Variants in FRY observed in about 807,000 individuals in gnomAD.
FRY encodes the protein FRY microtubule binding protein, also known as protein furry homolog.
FRY carries 128 observed loss-of-function variants against 348.4 expected under a neutral mutation model. That is an observed-to-expected ratio of 0.37 (90% CI 0.32 to 0.43). The LOEUF (loss-of-function observed/expected upper bound fraction) is 0.43. Ranked by LOEUF, FRY falls within the 20% of genes least tolerant of loss-of-function variation. The pLI, the probability that FRY is intolerant of heterozygous loss-of-function variation, is 1.00. For synonymous variants in FRY, 1,370 were observed against 1,374.7 expected, an observed-to-expected ratio of 1.00 and a Z score of 0.08; for missense variants, 2,736 against 3,695.2, an observed-to-expected ratio of 0.74 and a Z score of 6.73.
At chr13:32,280,063 C>A (rs1391667474) in intron 58 of FRY, among the ~76,000 whole-genome samples, 2 of 152,128 alleles carry the variant, frequency 1.3e-5, no homozygotes, top group Non-Finnish European at 2.9e-5. Context: ...CACTTTCACA[C>A]CCCTTAAGTC....
chr13:32,193,590 C>CTTTTTTTTTT (rs1335203743), intron 28 of FRY, among the ~76,000 whole-genome samples: 4 of 89,716 alleles, frequency 4.5e-5, no homozygotes, highest in African/African-American at 8.5e-5. Context: ...AAGTCTTCGT[C>CTTTTTTTTTT]CTTTTTTTTT....
intron 51 of FRY, chr13:32,257,950 A>G: frequency 1.9e-6 from 3 of 1,605,852 alleles, no homozygotes; most frequent in Admixed American, 1.7e-5. Flanking sequence ...CTGCTCATTC[A>G]ATCTGCTACC....
intron 35 of FRY, among the ~76,000 whole-genome samples, chr13:32,212,617 G>C (rs933197036): frequency 6.6e-6 from 1 of 152,120 alleles, no homozygotes; most frequent in Non-Finnish European, 1.5e-5. Flanking sequence ...TTCTGGTGGT[G>C]GTGGAATTTC....
chr13:32,073,439 A>G (rs1042410198), intron 1 of FRY, among the ~76,000 whole-genome samples: 9 of 152,178 alleles, frequency 5.9e-5, no homozygotes, highest in African/African-American at 2.2e-4. Flanking sequence ...CTGTAGGCAG[A>G]TAGAGAAGAG....
At chr13:32,074,192 T>A (rs1450690064) in intron 1 of FRY, among the ~76,000 whole-genome samples, 2 of 152,044 alleles carry the variant, frequency 1.3e-5, no homozygotes, top group African/African-American at 4.8e-5. Context: ...ATATAAAAGA[T>A]AGAGACCCAG....
intron 4 of FRY, among the ~76,000 whole-genome samples, chr13:32,123,485 A>C (rs1315167842): frequency 6.6e-6 from 1 of 152,196 alleles, no homozygotes; most frequent in Admixed American, 6.5e-5. Flanking sequence ...GGGAAAGAAA[A>C]GAAAAGTGGT....
intron 56 of FRY, 55 bp downstream of exon 56, chr13:32,275,046 G>A (rs940279730): frequency 6.8e-7 from 1 of 1,464,076 alleles, no homozygotes; most frequent in Non-Finnish European, 9.6e-7. Context: ...CTACAGTGCA[G>A]AACTTCAGGG....
intron 1 of FRY, among the ~76,000 whole-genome samples, chr13:32,074,668 C>G (rs1031157384): frequency 6.6e-6 from 1 of 152,178 alleles, no homozygotes; most frequent in African/African-American, 2.4e-5. Flanking sequence ...TAAATAAAAA[C>G]AGATTTTAAA....
At chr13:32,178,523 A>G in intron 21 of FRY, 87 bp downstream of exon 21, 4 of 1,386,574 alleles carry the variant, frequency 2.9e-6, no homozygotes, top group Non-Finnish European at 4.0e-6. Context: ...TTGGGATGTT[A>G]TCATCCCAAT....
rs9567539 is a variant in FRY, at chr13:32,295,180, G to A, written c.8784-22G>A. 1,155 of 1,612,732 alleles carry A rather than the reference G, an allele frequency of 7.2e-4. 19 individuals are homozygous for A. The East Asian group carries it at 0.02, about 29-fold the overall frequency. The stretch of plus-strand genomic sequence containing the variant: ...TTGTGACTAATAGTGCCTCTAATCT[G>A]TGCTGTTCTTTTTGACTGCAGAAGT... On this transcript the variant is annotated intron_variant, in intron 60 of 60. Transcript: ENST00000542859.
Position 32,231,376 on chromosome 13 carries a change from A to G in FRY, c.5527+76A>G, listed in dbSNP as rs185867616. On this transcript the variant is annotated intron_variant, in intron 41 of 60. Coordinates refer to ENST00000542859, the MANE Select transcript of FRY (RefSeq NM_023037.3). Reference sequence around the variant, plus strand: ...GACACTGTCTCTATATGATGATTACAGCGCCTTAAAACGGTCCTGCACTCC... The same window carrying G: ...GACACTGTCTCTATATGATGATTACGGCGCCTTAAAACGGTCCTGCACTCC... 2.0e-6 allele frequency: 3 copies of G among 1,493,052 alleles called. No homozygotes were observed. In the Admixed American group the frequency reaches 5.0e-5, roughly 25 times the overall value. 92.5% of individuals were successfully genotyped at this position (1,493,052 alleles called of 1,614,324 possible).
At chr13:32,280,815 A>G (rs1888774437) in intron 58 of FRY, among the ~76,000 whole-genome samples, 1 of 152,204 alleles carries the variant, frequency 6.6e-6, no homozygotes, top group Non-Finnish European at 1.5e-5. Context: ...TTCCGGGTTA[A>G]CCCTAAGGAT....
chr13:32,294,345 A>T, intron 59 of FRY, 23 bp from the exon 60 acceptor site: 3 of 1,578,774 alleles, frequency 1.9e-6, no homozygotes, highest in Non-Finnish European at 1.7e-6. Context: ...AATATAGTTT[A>T]AAAAACATTT....
At chr13:32,251,417 G>A (rs1887078023) in intron 49 of FRY, among the ~76,000 whole-genome samples, 3 of 152,174 alleles carry the variant, frequency 2.0e-5, no homozygotes, top group Non-Finnish European at 4.4e-5. Flanking sequence ...TTAATAAAGT[G>A]TAAGGAAAGC....
chr13:32,295,757 C>G lies in FRY; in HGVS notation c.*297C>G. 1 of 502,970 alleles carries G rather than the reference C, an allele frequency of 2.0e-6. No homozygotes were observed. Among genetic ancestry groups the G allele is most frequent in the South Asian group, 2.3e-5 (1 of 43,070 alleles). 31.2% of individuals were successfully genotyped at this position (502,970 alleles called of 1,614,324 possible). A position where few individuals can be genotyped will look rare whatever the true frequency, so the allele number is the denominator to read the frequency against. ...TGAAGAAGTGACTTCCGTTGCATAC[C>G]AAAGCCGACTACACTGAACAGTACC... On this transcript the variant is annotated 3_prime_UTR_variant, in exon 61 of 61. Transcript: ENST00000542859.
At chr13:32,268,486 TAAA>T (rs1163691921) in intron 55 of FRY, among the ~76,000 whole-genome samples, 1,173 of 60,426 alleles carry the variant, frequency 0.019, 18 homozygotes, top group Non-Finnish European at 0.027. Context: ...AAAGCTAGTT[TAAA>T]AAAAAAAAAA....
intron 15 of FRY, among the ~76,000 whole-genome samples, chr13:32,156,444 A>C (rs1162651855): frequency 2.0e-5 from 3 of 152,160 alleles, no homozygotes; most frequent in Admixed American, 2.0e-4. Context: ...TCTACTAAAA[A>C]TACAAAATTA....
At chr13:32,179,942 G>A in intron 23 of FRY, 143 bp downstream of exon 23, 1 of 796,990 alleles carries the variant, frequency 1.3e-6, no homozygotes, top group Non-Finnish European at 2.1e-6. Flanking sequence ...ACATCGTCTT[G>A]GTTGATGTGC....
At chr13:32,250,566 C>A (rs2138506444) in intron 49 of FRY, among the ~76,000 whole-genome samples, 1 of 152,302 alleles carries the variant, frequency 6.6e-6, no homozygotes, top group African/African-American at 2.4e-5. Flanking sequence ...GCGACAGAGG[C>A]CTTTCCTCTT....
Sources: gnomAD v4.1 joint callset for allele counts (sites outside exome capture counted in the v4.1 genomes callset) on GRCh38, gnomAD v4.1.1 for gene constraint, MANE v1.5 for transcripts, NCBI Gene and HGNC (gene_info 2026-07-23, HGNC 2026-07-21) for gene names.